The following SYTL5 variants were observed in gnomAD, a reference collection of about 807,000 sequenced individuals.
SYTL5 encodes the protein synaptotagmin-like protein 5.
In SYTL5, 34 loss-of-function variants were observed where a neutral mutation model predicts 55.9. The ratio of observed to expected loss-of-function variants is 0.61; its 90% CI spans 0.46 to 0.81. SYTL5 has a LOEUF of 0.81. Among genes scored for constraint, SYTL5 ranks in the 30% least tolerant of loss-of-function variants. SYTL5 has a pLI of 0.00. For missense variants in SYTL5, 637 were observed against 546.7 expected, an observed-to-expected ratio of 1.17 and a Z score of -1.65; for synonymous variants, 221 against 188.7, an observed-to-expected ratio of 1.17 and a Z score of -1.40.
rs749015670 is a variant in SYTL5, at chrX:38,080,073, C to A, written c.689+3372C>A. On this transcript the variant is annotated intron_variant, in intron 6 of 16. Coordinates refer to ENST00000297875, the MANE Select transcript of SYTL5 (RefSeq NM_138780.3). ...CTCTTCTATAGGGGTGAGGGGGAGA[C>A]AAACTCCAGGGCATTTCTAGGCCTC... Among the ~76,000 whole-genome samples, 4 of 111,196 alleles carry A rather than the reference C, an allele frequency of 3.6e-5. No individual in the cohort carries two copies. In the East Asian group the frequency reaches 8.5e-4, roughly 23 times the overall value.
chrX:38,070,225 C>T (rs573915336), intron 3 of SYTL5, among the ~76,000 whole-genome samples: 6 of 111,838 alleles, frequency 5.4e-5, no homozygotes, highest in African/African-American at 1.9e-4. Flanking sequence ...AGAAGGTTGA[C>T]ATATTTTTCA....
chrX:37,939,390 A>G, the SYTL5 span, among the ~76,000 whole-genome samples: 1 of 112,333 alleles, frequency 8.9e-6, no homozygotes, highest in African/African-American at 3.2e-5. Flanking sequence ...TCTATGTTTT[A>G]GCTTTATCTT....
rs772465476 is a variant in SYTL5, at chrX:38,051,242, C to T, written c.120-2971C>T. Among the ~76,000 whole-genome samples the T allele has an allele frequency of 1.6e-4, 18 of 111,394 alleles. No individual in the cohort carries two copies. The East Asian group carries it at 4.8e-3, about 30-fold the overall frequency. ...AGCAGATTAGGCAGATCTTTACAGG[C>T]TATGGGAAAGAGGTATAAATTTCAT... On this transcript the variant is annotated intron_variant, in intron 2 of 16. Coordinates refer to ENST00000297875, the MANE Select transcript of SYTL5 (RefSeq NM_138780.3).
intron 13 of SYTL5, among the ~76,000 whole-genome samples, chrX:38,114,525 T>C (rs1937438789): frequency 9.0e-6 from 1 of 111,563 alleles, no homozygotes; most frequent in African/African-American, 3.3e-5. Flanking sequence ...ACACACACAA[T>C]ATATTTCTTT....
At chrX:37,987,976 G>A in the SYTL5 span, among the ~76,000 whole-genome samples, 1,665 of 111,954 alleles carry the variant, frequency 0.015, 16 homozygotes, top group South Asian at 0.053. Context: ...TAACTCCTGT[G>A]ATAGGCCGAG....
intron 6 of SYTL5, among the ~76,000 whole-genome samples, chrX:38,085,685 C>A (rs1235199779): frequency 9.0e-6 from 1 of 111,730 alleles, no homozygotes; most frequent in Admixed American, 9.5e-5. Context: ...CTCTCAGGTT[C>A]GTGCTGCCTT....
At chrX:38,108,466 AT>A in intron 11 of SYTL5, 133 bp from the exon 12 acceptor site, 1 of 450,333 alleles carries the variant, frequency 2.2e-6, no homozygotes, top group Non-Finnish European at 3.9e-6. Context: ...ATCCTGTTAT[AT>A]AGACAAAATT....
At chrX:38,013,943 C>T (rs1934265166) in intron 1 of SYTL5, among the ~76,000 whole-genome samples, 1 of 111,317 alleles carries the variant, frequency 9.0e-6, no homozygotes, top group Non-Finnish European at 1.9e-5. Flanking sequence ...CCCATTCCTG[C>T]TCACAGGAGC....
upstream of SYTL5, among the ~76,000 whole-genome samples, chrX:38,004,465 T>C (rs887019875): frequency 2.5e-4 from 28 of 111,751 alleles, no homozygotes; most frequent in African/African-American, 8.1e-4. Flanking sequence ...TCAAGAGATA[T>C]CTGCACTCCC....
chrX:38,002,071 T>G (rs1288738404), upstream of SYTL5, among the ~76,000 whole-genome samples: 1 of 109,049 alleles, frequency 9.2e-6, no homozygotes, highest in African/African-American at 3.4e-5. Context: ...TGTGTCCATG[T>G]GTTCTCATTG....
intron 6 of SYTL5, among the ~76,000 whole-genome samples, chrX:38,081,699 A>G (rs1936534927): frequency 8.9e-6 from 1 of 111,907 alleles, no homozygotes; most frequent in Non-Finnish European, 1.9e-5. Context: ...GCTCAATCTC[A>G]CTGGCCAATT....
chrX:37,997,513 G>C, the SYTL5 span, among the ~76,000 whole-genome samples: 1 of 112,606 alleles, frequency 8.9e-6, no homozygotes, highest in Non-Finnish European at 1.9e-5. Context: ...AGTCAGGGCT[G>C]ATCCCAGGTG....
the SYTL5 span, among the ~76,000 whole-genome samples, chrX:37,984,181 G>A: frequency 9.0e-6 from 1 of 111,611 alleles, no homozygotes; most frequent in Middle Eastern, 4.6e-3. Flanking sequence ...CAAAAAAATA[G>A]AGAAAATTAA....
chrX:38,109,089 T>C (rs147052033), intron 12 of SYTL5, among the ~76,000 whole-genome samples: 1,354 of 112,212 alleles, frequency 0.012, 31 homozygotes, highest in African/African-American at 0.042. Context: ...ATTGTTCTGC[T>C]AACATAGCAT....
At chrX:37,953,291 G>C in the SYTL5 span, among the ~76,000 whole-genome samples, 1 of 110,068 alleles carries the variant, frequency 9.1e-6, no homozygotes, top group Non-Finnish European at 1.9e-5. Context: ...AATCATCAAA[G>C]GAAGCATATG....
At chrX:38,032,060 G>A (rs755015680) in intron 1 of SYTL5, among the ~76,000 whole-genome samples, 11 of 112,067 alleles carry the variant, frequency 9.8e-5, no homozygotes, top group Non-Finnish European at 9.4e-5. Context: ...GGAAGCTCTG[G>A]ACAAGATCCT....
At chrX:37,930,813 T>C in the SYTL5 span, among the ~76,000 whole-genome samples, 1 of 112,257 alleles carries the variant, frequency 8.9e-6, no homozygotes, top group Non-Finnish European at 1.9e-5. Flanking sequence ...CCACAAAATC[T>C]CTGTGATGCA....
chrX:38,070,627 A>G (rs2147391901), intron 3 of SYTL5, among the ~76,000 whole-genome samples: 1 of 111,351 alleles, frequency 9.0e-6, no homozygotes, highest in South Asian at 3.8e-4. Flanking sequence ...GCATTCAAAT[A>G]TTTGACCCCA....
chrX:37,922,631 G>T, the SYTL5 span, among the ~76,000 whole-genome samples: 1 of 111,523 alleles, frequency 9.0e-6, no homozygotes, highest in East Asian at 2.8e-4. Context: ...GAAAACAAAG[G>T]CACCACTATA....
Sources: gnomAD v4.1 joint callset for allele counts (sites outside exome capture counted in the v4.1 genomes callset) on GRCh38, gnomAD v4.1.1 for gene constraint, MANE v1.5 for transcripts, NCBI Gene and HGNC (gene_info 2026-07-23, HGNC 2026-07-21) for gene names.